HDAC4: variants seen among roughly 807,000 people sequenced by gnomAD.
HDAC4 encodes histone deacetylase 4, also known as histone deacetylase A.
HDAC4 carries 16 observed loss-of-function variants against 135.1 expected under a neutral mutation model. The ratio of observed to expected loss-of-function variants is 0.12; its 90% CI spans 0.08 to 0.18. The LOEUF (loss-of-function observed/expected upper bound fraction) is 0.18. HDAC4 is among the 10% of genes least tolerant of loss of function. The pLI is 1.00. For synonymous variants in HDAC4, 685 were observed against 653.4 expected (o/e 1.05, Z -0.74); for missense variants, 1,143 against 1,511.8 (o/e 0.76, Z 4.05).
At chr2:239,084,286 G>T (rs1386512949) in intron 19 of HDAC4, 44 bp from the exon 20 acceptor site, 1 of 1,445,576 alleles carries the variant, frequency 6.9e-7, no homozygotes, top group Non-Finnish European at 9.6e-7. Flanking sequence ...CAGGTGGGCG[G>T]TGGCCAGTTT....
chr2:239,052,568 G>T lies in HDAC4; in HGVS notation c.*529C>A. On this transcript the variant is annotated 3_prime_UTR_variant, in exon 27 of 27. Coordinates refer to ENST00000543185, the MANE Select transcript of HDAC4 (RefSeq NM_001378414.1). ...AGACCCCCCGCCGCACACCGCTATGGTTCACAGAGGCGGGCCACAGCCGTA... is the reference window on the plus strand; with the variant it reads ...AGACCCCCCGCCGCACACCGCTATGTTTCACAGAGGCGGGCCACAGCCGTA... 6.0e-6 allele frequency: 1 copy of T among 165,952 alleles called. No homozygotes were observed. Among genetic ancestry groups the T allele is most frequent in the Non-Finnish European group, 1.3e-5 (1 of 75,068 alleles). 10.3% of individuals were successfully genotyped at this position (165,952 alleles called of 1,614,324 possible).
intron 22 of HDAC4, among the ~76,000 whole-genome samples, chr2:239,077,899 T>C (rs2034925396): frequency 6.6e-6 from 1 of 152,180 alleles, no homozygotes; most frequent in Admixed American, 6.5e-5. Context: ...GAAAGTGAAA[T>C]AGCTTTGCCC....
chr2:239,384,451 C>CAA lies in HDAC4; in HGVS notation c.-220+16525_-220+16526dup, dbSNP rs5839742. Among the ~76,000 whole-genome samples the CAA allele has an allele frequency of 1.3e-3, 126 of 95,062 alleles. 2 individuals carry two copies. Among genetic ancestry groups the CAA allele is most frequent in the East Asian group, 6.2e-3 (19 of 3,068 alleles). 62.4% of individuals were successfully genotyped at this position (95,062 alleles called of 152,430 possible). ...CAACATAGTGAGACCCCTGTCTCTACAAAAAAAAAAAAAAAAAAAGCCAGA... is the reference window on the plus strand; with the variant it reads ...CAACATAGTGAGACCCCTGTCTCTACAAAAAAAAAAAAAAAAAAAAAGCCAGA... On this transcript the variant is annotated intron_variant, in intron 1 of 26. Coordinates refer to ENST00000543185, the MANE Select transcript of HDAC4 (RefSeq NM_001378414.1).
At chr2:239,344,540 A>G (rs1164622782) in intron 2 of HDAC4, among the ~76,000 whole-genome samples, 2 of 152,232 alleles carry the variant, frequency 1.3e-5, no homozygotes, top group Non-Finnish European at 2.9e-5. Context: ...GGATCAAAAA[A>G]AAAAGTAGGT....
At chr2:239,218,767 T>C (rs1434226253) in intron 3 of HDAC4, among the ~76,000 whole-genome samples, 1 of 133,630 alleles carries the variant, frequency 7.5e-6, no homozygotes, top group East Asian at 2.3e-4. Context: ...CAAACAAATT[T>C]ACAAGAAAAA....
chr2:239,238,907 C>T (rs1030004242), intron 2 of HDAC4, among the ~76,000 whole-genome samples: 3 of 152,180 alleles, frequency 2.0e-5, no homozygotes, highest in South Asian at 2.1e-4. Flanking sequence ...GGCTGGTCCG[C>T]GTCCCACCTA....
At chr2:239,361,553 G>C (rs962651892) in intron 1 of HDAC4, among the ~76,000 whole-genome samples, 4 of 152,196 alleles carry the variant, frequency 2.6e-5, no homozygotes, top group African/African-American at 9.6e-5. Flanking sequence ...CACAGGCAGA[G>C]AAGAGAAAAA....
chr2:239,345,853 C>G (rs2125888969), intron 2 of HDAC4, among the ~76,000 whole-genome samples: 1 of 150,604 alleles, frequency 6.6e-6, no homozygotes, highest in East Asian at 2.0e-4. Context: ...CACATGCACT[C>G]AAACACACAC....
At position 239,240,411 on chromosome 2, in the gene HDAC4, TGA is replaced by T. The variant is rs1400669804; in HGVS notation, c.23-3749_23-3748del. On this transcript the variant is annotated intron_variant, in intron 2 of 26. Coordinates refer to ENST00000543185, the MANE Select transcript of HDAC4 (RefSeq NM_001378414.1). This position sits in a 1 kb window ranked among gnomAD's most constrained non-coding sequence, Gnocchi z 4.5. ...GAGTGAGTTAAAATGAAATTAGTGA[TGA>T]GAGGTGGAATTTCCATATTTATCTG... Among the ~76,000 whole-genome samples the T allele has an allele frequency of 1.3e-5, 2 of 152,180 alleles. No homozygotes were observed. The highest frequency in any genetic ancestry group is 2.9e-5 in the Non-Finnish European group (2 of 68,030).
At position 239,354,562 on chromosome 2, in the gene HDAC4, A is replaced by ATTTTT. The variant is rs566361037; in HGVS notation, c.-219-1649_-219-1645dup. Reference sequence around the variant, plus strand: ...TTTTCTTGATTTAATTAGTCTAGAAATTTTTTTTTTTTTTTTTTTTTTTTT... The same window carrying ATTTTT: ...TTTTCTTGATTTAATTAGTCTAGAAATTTTTTTTTTTTTTTTTTTTTTTTTTTTTT... On this transcript the variant is annotated intron_variant, in intron 1 of 26. Coordinates refer to ENST00000543185, the MANE Select transcript of HDAC4 (RefSeq NM_001378414.1). Among the ~76,000 whole-genome samples, 277 of 76,586 alleles carry ATTTTT rather than the reference A, an allele frequency of 3.6e-3. 7 individuals carry two copies. Among genetic ancestry groups the ATTTTT allele is most frequent in the Non-Finnish European group, 5.1e-3 (221 of 43,410 alleles). 50.2% of individuals were successfully genotyped at this position (76,586 alleles called of 152,430 possible).
intron 2 of HDAC4, among the ~76,000 whole-genome samples, chr2:239,277,667 G>A (rs903495075): frequency 6.6e-6 from 1 of 152,148 alleles, no homozygotes; most frequent in African/African-American, 2.4e-5. Context: ...CCACACAGCC[G>A]CCCAGCCTGG....
chr2:239,251,013 A>G (rs1432628618), intron 2 of HDAC4, among the ~76,000 whole-genome samples: 1 of 152,170 alleles, frequency 6.6e-6, no homozygotes, highest in East Asian at 1.9e-4. Flanking sequence ...ACGTCTGGAA[A>G]GAGACTCGTC....
chr2:239,163,509 A>C (rs1344876983), intron 6 of HDAC4, among the ~76,000 whole-genome samples: 1 of 151,712 alleles, frequency 6.6e-6, no homozygotes, highest in Non-Finnish European at 1.5e-5. Flanking sequence ...GTACCCCCAG[A>C]CCACGTCACT....
chr2:239,136,944 G>A (rs1447402220), intron 9 of HDAC4, among the ~76,000 whole-genome samples: 1 of 152,144 alleles, frequency 6.6e-6, no homozygotes, highest in Non-Finnish European at 1.5e-5. Flanking sequence ...AATGATTAAA[G>A]GGCTACTGAG....
chr2:239,303,718 C>T lies in HDAC4; in HGVS notation c.22+48960G>A, dbSNP rs1456779023. Among the ~76,000 whole-genome samples, 13 of 152,122 alleles carry T rather than the reference C, an allele frequency of 8.5e-5. No homozygotes were observed. Among genetic ancestry groups the T allele is most frequent in the African/African-American group, 7.2e-5 (3 of 41,418 alleles). On this transcript the variant is annotated intron_variant, in intron 2 of 26. Transcript: ENST00000543185. The surrounding 1 kb of genome is among the most constrained non-coding windows in gnomAD (Gnocchi z 5.1). ...GTAAAACTTGCTCACTTGTAAACAACGTCGGGCAGCAACTGCAGGCCTCAC... is the reference window on the plus strand; with the variant it reads ...GTAAAACTTGCTCACTTGTAAACAATGTCGGGCAGCAACTGCAGGCCTCAC...
At chr2:239,072,326 A>G (rs1460874643) in intron 22 of HDAC4, among the ~76,000 whole-genome samples, 2 of 152,248 alleles carry the variant, frequency 1.3e-5, no homozygotes, top group Non-Finnish European at 2.9e-5. Flanking sequence ...AACTTTTAAA[A>G]GTCTCCTGGT....
intron 3 of HDAC4, among the ~76,000 whole-genome samples, chr2:239,195,321 T>C (rs889386161): frequency 1.3e-5 from 2 of 152,190 alleles, no homozygotes; most frequent in African/African-American, 4.8e-5. Flanking sequence ...GCCACGGCCA[T>C]TGCTCACCTC....
chr2:239,194,838 C>T (rs1446151902), intron 3 of HDAC4, among the ~76,000 whole-genome samples: 1 of 152,248 alleles, frequency 6.6e-6, no homozygotes, highest in East Asian at 1.9e-4. Context: ...CTTCCAGCCA[C>T]TCCAGCTTCT....
At position 239,352,640 on chromosome 2, in the gene HDAC4, C is replaced by T. The variant is rs776930490; in HGVS notation, c.22+38G>A. The T allele has an allele frequency of 3.3e-5, 51 of 1,549,298 alleles. No homozygotes were observed. The highest frequency in any genetic ancestry group is 4.0e-5 in the Non-Finnish European group (46 of 1,144,684). On this transcript the variant is annotated intron_variant, in intron 2 of 26. Coordinates refer to ENST00000543185, the MANE Select transcript of HDAC4 (RefSeq NM_001378414.1). The surrounding 1 kb of genome is among the most constrained non-coding windows in gnomAD (Gnocchi z 4.4). ...AACTTCTACTTTGGGCAAAGAAAGC[C>T]CCGCTGTGTGCCCAGAGAAGAAATG...
Sources: allele counts gnomAD v4.1 joint callset (sites outside exome capture counted in the v4.1 genomes callset), GRCh38; gene constraint gnomAD v4.1.1; non-coding constraint Gnocchi (gnomAD v3.1); transcripts MANE v1.5; gene names NCBI Gene and HGNC (gene_info 2026-07-23, HGNC 2026-07-21).